YPEL2: variants seen among roughly 807,000 people sequenced by gnomAD.
YPEL2 encodes the protein protein yippee-like 2.
In YPEL2, 2 loss-of-function variants were observed where a neutral mutation model predicts 19.1. The ratio of observed to expected loss-of-function variants is 0.10; its 90% CI spans 0.04 to 0.33. The LOEUF (loss-of-function observed/expected upper bound fraction) is 0.33. YPEL2 is among the 10% of genes least tolerant of loss of function. The probability of loss-of-function intolerance (pLI) is 1.00; values close to 1 mark genes in which losing one functional copy is unlikely to be tolerated. For missense variants in YPEL2, 66 were observed against 140.7 expected, an observed-to-expected ratio of 0.47 and a Z score of 2.68; for synonymous variants, 52 against 50.0, an observed-to-expected ratio of 1.04 and a Z score of -0.17.
intron 2 of YPEL2, among the ~76,000 whole-genome samples, chr17:59,360,615 A>G (rs1323705703): frequency 6.6e-6 from 1 of 152,184 alleles, no homozygotes; most frequent in Non-Finnish European, 1.5e-5. Context: ...GTACTCCTCT[A>G]GAAGTATCTG....
At chr17:59,388,502 C>A in intron 3 of YPEL2, 132 bp downstream of exon 3, 2 of 901,406 alleles carry the variant, frequency 2.2e-6, no homozygotes, top group Non-Finnish European at 3.7e-6. Context: ...GCATTACTGT[C>A]CACAATTGGT....
intron 1 of YPEL2, among the ~76,000 whole-genome samples, chr17:59,347,887 A>G (rs1204073323): frequency 6.6e-6 from 1 of 152,166 alleles, no homozygotes; most frequent in African/African-American, 2.4e-5. Flanking sequence ...CCCAAACTCC[A>G]TGTCTGTCTG....
intron 2 of YPEL2, among the ~76,000 whole-genome samples, chr17:59,362,184 C>T (rs1037409546): frequency 2.0e-5 from 3 of 151,622 alleles, no homozygotes; most frequent in Non-Finnish European, 4.4e-5. Flanking sequence ...TGCAGTGGTC[C>T]GAATGTGTTC....
At chr17:59,338,632 A>T (rs749228756) in intron 1 of YPEL2, among the ~76,000 whole-genome samples, 15 of 152,146 alleles carry the variant, frequency 9.9e-5, no homozygotes, top group Non-Finnish European at 2.1e-4. Flanking sequence ...AGCACGTGAG[A>T]TGGGGAAAGA....
chr17:59,339,036 G>A (rs1299433615), intron 1 of YPEL2, among the ~76,000 whole-genome samples: 1 of 152,046 alleles, frequency 6.6e-6, no homozygotes, highest in Non-Finnish European at 1.5e-5. Context: ...TGGCCCCCTT[G>A]CCCTTGCTCT....
rs372571139 is a variant in YPEL2 at position 59,399,697 on chromosome 17, C to G, written c.*2507C>G. 2 of 152,730 alleles carry G rather than the reference C, an allele frequency of 1.3e-5. No homozygotes were observed. Among genetic ancestry groups the G allele is most frequent in the African/African-American group, 4.8e-5 (2 of 41,556 alleles). 9.5% of individuals were successfully genotyped at this position (152,730 alleles called of 1,614,324 possible). On this transcript the variant is annotated 3_prime_UTR_variant, in exon 5 of 5. Transcript: ENST00000312655. ...AACCAAAAGTGCTTCTTACAACGTT[C>G]GCTCTGTTCATGGGTTGTCTATCTA... is the stretch of plus-strand genomic sequence containing the variant.
Position 59,400,681 on chromosome 17 carries a change from C to G in YPEL2, c.*3491C>G, listed in dbSNP as rs534114694. The G allele has an allele frequency of 1.2e-4, 19 of 152,718 alleles. No homozygotes were observed. The highest frequency in any genetic ancestry group is 1.9e-4 in the Non-Finnish European group (13 of 68,016). The allele number at this position is 152,718 out of a possible 1,614,324, so 9.5% of individuals were successfully genotyped here. On this transcript the variant is annotated 3_prime_UTR_variant, in exon 5 of 5. Coordinates refer to ENST00000312655, the MANE Select transcript of YPEL2 (RefSeq NM_001005404.4). ...AAGTTAATTTAGTAGTAACAACTTACAGTGATTCTTCCTGTTGGAAGAATT... is the reference window on the plus strand; with the variant it reads ...AAGTTAATTTAGTAGTAACAACTTAGAGTGATTCTTCCTGTTGGAAGAATT...
chr17:59,370,416 C>A (rs1208305135), intron 2 of YPEL2, among the ~76,000 whole-genome samples: 1 of 152,130 alleles, frequency 6.6e-6, no homozygotes, highest in Non-Finnish European at 1.5e-5. Context: ...CAGGTCAGAA[C>A]AAATGAAATA....
chr17:59,360,234 G>A (rs1486724155), intron 2 of YPEL2, among the ~76,000 whole-genome samples: 1 of 152,132 alleles, frequency 6.6e-6, no homozygotes, highest in Admixed American at 6.5e-5. Context: ...CCGCCACCAC[G>A]CCCGGCTAAT....
At chr17:59,388,080 G>GT (rs914579607) in intron 2 of YPEL2, among the ~76,000 whole-genome samples, 1 of 152,170 alleles carries the variant, frequency 6.6e-6, no homozygotes, top group Non-Finnish European at 1.5e-5. Context: ...GTGGTTTTGG[G>GT]TTTTTTTCAT....
intron 2 of YPEL2, among the ~76,000 whole-genome samples, chr17:59,370,410 T>A (rs1327374943): frequency 6.6e-6 from 1 of 152,180 alleles, no homozygotes; most frequent in East Asian, 1.9e-4. Flanking sequence ...TATTATCAGG[T>A]CAGAACAAAT....
chr17:59,347,414 A>G (rs2047761797), intron 1 of YPEL2, among the ~76,000 whole-genome samples: 1 of 152,108 alleles, frequency 6.6e-6, no homozygotes, highest in Admixed American at 6.6e-5. Context: ...GACATGAACC[A>G]CTGTGTCCAG....
At chr17:59,394,046 G>T (rs1056082016) in intron 4 of YPEL2, among the ~76,000 whole-genome samples, 11 of 152,238 alleles carry the variant, frequency 7.2e-5, no homozygotes, top group Admixed American at 6.5e-4. Flanking sequence ...TCCAGACGGG[G>T]TGGTGGCCGG....
At chr17:59,372,910 G>T (rs1212427298) in intron 2 of YPEL2, among the ~76,000 whole-genome samples, 3 of 152,238 alleles carry the variant, frequency 2.0e-5, no homozygotes, top group Admixed American at 6.5e-5. Flanking sequence ...CATGGGCTCT[G>T]TTGCCCAGTC....
In YPEL2 at chr17:59,394,740, C is replaced by A. The variant is rs1187696233; in HGVS notation, c.271-2361C>A. Among the ~76,000 whole-genome samples, 19 of 152,182 alleles carry A rather than the reference C, an allele frequency of 1.2e-4. No homozygotes were observed. In the East Asian group the frequency reaches 1.4e-3, roughly 11 times the overall value. ...CACTTTGGGAGGCCAAGGCAGGCGG[C>A]TGGGAGGTGGAGGTTGTAGCGAGCC... On this transcript the variant is annotated intron_variant, in intron 4 of 4. Coordinates refer to ENST00000312655, the MANE Select transcript of YPEL2 (RefSeq NM_001005404.4).
intron 4 of YPEL2, among the ~76,000 whole-genome samples, chr17:59,390,158 G>A (rs1306306393): frequency 3.3e-5 from 5 of 152,040 alleles, no homozygotes; most frequent in African/African-American, 1.2e-4. Context: ...GCGTCACCAT[G>A]CCTGGCTTAT....
chr17:59,337,183 C>CTTTTTTTTTT (rs146083930), intron 1 of YPEL2, among the ~76,000 whole-genome samples: 1 of 136,498 alleles, frequency 7.3e-6, no homozygotes, highest in Non-Finnish European at 1.6e-5. Context: ...GGGAGAAATT[C>CTTTTTTTTTT]TTTTTTTTTG....
intron 2 of YPEL2, among the ~76,000 whole-genome samples, chr17:59,358,334 C>G (rs2047823436): frequency 1.3e-5 from 2 of 152,002 alleles, no homozygotes; most frequent in Admixed American, 6.6e-5. Flanking sequence ...TGCAGCATTT[C>G]TTTGAGAAGA....
At chr17:59,352,913 A>G (rs2047794536) in intron 1 of YPEL2, among the ~76,000 whole-genome samples, 1 of 152,148 alleles carries the variant, frequency 6.6e-6, no homozygotes, top group South Asian at 2.1e-4. Flanking sequence ...AGGTGGTAGC[A>G]CATCTTCAAG....
Sources: gnomAD v4.1 joint callset for allele counts (sites outside exome capture counted in the v4.1 genomes callset) on GRCh38, gnomAD v4.1.1 for gene constraint, MANE v1.5 for transcripts, NCBI Gene and HGNC (gene_info 2026-07-23, HGNC 2026-07-21) for gene names.